Variants in TAFA4 observed in about 807,000 individuals in gnomAD.
TAFA4 encodes chemokine-like protein TAFA-4.
TAFA4 carries 20 observed loss-of-function variants against 21.1 expected under a neutral mutation model. That is an observed-to-expected ratio of 0.95 (90% CI 0.67 to 1.38). The LOEUF (loss-of-function observed/expected upper bound fraction) is 1.38, where lower values mean the gene tolerates loss of function less well. Among genes scored for constraint, TAFA4 ranks in the 40% most tolerant of loss-of-function variants. TAFA4 has a pLI of 0.00. For synonymous variants in TAFA4, 71 were observed against 67.4 expected (o/e 1.05, Z -0.26); for missense variants, 211 against 180.9 (o/e 1.17, Z -0.95).
At chr3:68,887,360 G>A (rs1398202378) in intron 1 of TAFA4, among the ~76,000 whole-genome samples, 1 of 152,148 alleles carries the variant, frequency 6.6e-6, no homozygotes, top group African/African-American at 2.4e-5. Context: ...GGCTTTGCTG[G>A]ACCCGATCCA....
intron 3 of TAFA4, among the ~76,000 whole-genome samples, chr3:68,802,365 A>T (rs1471285031): frequency 6.6e-6 from 1 of 152,102 alleles, no homozygotes; most frequent in Non-Finnish European, 1.5e-5. Context: ...TCAATCTGTC[A>T]TCTTTAGAAC....
chr3:68,863,189 G>A (rs1395530333), intron 3 of TAFA4, among the ~76,000 whole-genome samples: 1 of 151,948 alleles, frequency 6.6e-6, no homozygotes, highest in Non-Finnish European at 1.5e-5. Context: ...GTTGCAGTGA[G>A]CTATGATCAT....
intron 4 of TAFA4, among the ~76,000 whole-genome samples, chr3:68,740,661 G>T (rs1702332445): frequency 6.6e-6 from 1 of 152,122 alleles, no homozygotes; most frequent in African/African-American, 2.4e-5. Flanking sequence ...ATTTGATGTA[G>T]TCCCAATTGT....
intron 3 of TAFA4, among the ~76,000 whole-genome samples, chr3:68,802,449 A>G (rs1703598158): frequency 7.0e-6 from 1 of 142,574 alleles, no homozygotes; most frequent in East Asian, 3.2e-4. Context: ...AGGAAGGATA[A>G]TTGTTAAAAA....
In TAFA4 at chr3:68,927,893, C is replaced by CAAAAAAAAAAA. The variant is rs1209770129; in HGVS notation, c.-123+4336_-123+4346dup. 3.0e-3 allele frequency among the ~76,000 whole-genome samples: 368 copies of CAAAAAAAAAAA among 123,440 alleles called. 1 individual carries two copies. Among genetic ancestry groups the CAAAAAAAAAAA allele is most frequent in the African/African-American group, 9.8e-3 (337 of 34,416 alleles). The allele number at this position is 123,440 out of a possible 152,430, so 81.0% of individuals were successfully genotyped here. A position where few individuals can be genotyped will look rare whatever the true frequency, so the allele number is the denominator to read the frequency against. On this transcript the variant is annotated intron_variant, in intron 1 of 5. Transcript: ENST00000295569. ...AGCCTGGGTAACAGAGACACCATCT[C>CAAAAAAAAAAA]AAAAAAAAAAAAGAAAAAAGAAATA... is the stretch of plus-strand genomic sequence containing the variant.
intron 3 of TAFA4, among the ~76,000 whole-genome samples, chr3:68,816,325 A>G (rs1703974190): frequency 6.6e-6 from 1 of 152,190 alleles, no homozygotes; most frequent in African/African-American, 2.4e-5. Flanking sequence ...TTAAAAAAAA[A>G]TAGTAATTCT....
chr3:68,877,760 C>T (rs1396225442), intron 3 of TAFA4, among the ~76,000 whole-genome samples: 2 of 152,316 alleles, frequency 1.3e-5, no homozygotes, highest in South Asian at 2.1e-4. Context: ...ACCCTGAAGG[C>T]TCTGACCACA....
At chr3:68,805,539 A>C (rs2106834414) in intron 3 of TAFA4, among the ~76,000 whole-genome samples, 1 of 152,346 alleles carries the variant, frequency 6.6e-6, no homozygotes, top group Admixed American at 6.5e-5. Flanking sequence ...ACAATAGCAA[A>C]GACTTGGAAC....
intron 3 of TAFA4, among the ~76,000 whole-genome samples, chr3:68,814,086 C>G (rs558861641): frequency 6.6e-6 from 1 of 152,108 alleles, no homozygotes; most frequent in African/African-American, 2.4e-5. Context: ...TCTCAACAGA[C>G]GCAGAAAAGG....
chr3:68,905,242 G>A (rs903019629), intron 1 of TAFA4, among the ~76,000 whole-genome samples: 4 of 133,214 alleles, frequency 3.0e-5, no homozygotes, highest in East Asian at 4.8e-4. Flanking sequence ...TGCAACCTCC[G>A]CCTCCCGCCT....
chr3:68,863,447 A>G (rs1363068922), intron 3 of TAFA4, among the ~76,000 whole-genome samples: 1 of 152,130 alleles, frequency 6.6e-6, no homozygotes, highest in Non-Finnish European at 1.5e-5. Flanking sequence ...TAGACAAGAG[A>G]CACTTTATCC....
chr3:68,766,550 T>A (rs1702858582), intron 3 of TAFA4, among the ~76,000 whole-genome samples: 1 of 148,452 alleles, frequency 6.7e-6, no homozygotes. Flanking sequence ...CAATTTTTCC[T>A]AAAAAAAAAA....
rs140576843 is a variant in TAFA4, at chr3:68,798,509, A to T, written c.131-45491T>A. Among the ~76,000 whole-genome samples, 28 of 152,290 alleles carry T rather than the reference A, an allele frequency of 1.8e-4. No homozygotes were observed. In the East Asian group the frequency reaches 5.4e-3, roughly 29 times the overall value. Reference sequence around the variant, plus strand: ...TCTGGACTTAATTTTTATAAGAGGGATATGTTCCAGCTTCATGCATGGCAG... The same window carrying T: ...TCTGGACTTAATTTTTATAAGAGGGTTATGTTCCAGCTTCATGCATGGCAG... On this transcript the variant is annotated intron_variant, in intron 3 of 5. Transcript: ENST00000295569.
intron 5 of TAFA4, among the ~76,000 whole-genome samples, chr3:68,738,257 T>C (rs769958180): frequency 6.6e-6 from 1 of 152,140 alleles, no homozygotes; most frequent in Non-Finnish European, 1.5e-5. Flanking sequence ...CCAGGATGTT[T>C]AGAGCAGCAA....
Position 68,880,781 on chromosome 3 carries a change from C to A in TAFA4, c.79G>T (p.Val27Leu). 6.2e-7 allele frequency: 1 copy of A among 1,613,930 alleles called. No homozygotes were observed. The highest frequency in any genetic ancestry group is 1.1e-5 in the South Asian group (1 of 91,072). The part of the protein sequence containing the change: ...HWLFLAYVLM[V>L]CCKLMSASSQ... The stretch of plus-strand genomic sequence containing the variant: ...GAGGCGGACATCAGCTTACAGCACA[C>A]CATTAACACGTAGGCTAGAAAGAGC... The change falls in exon 3 of 6, where the codon GTG (valine) becomes TTG (leucine). Residue 27 changes from valine (V) to leucine (L), a missense_variant. Transcript: ENST00000295569.
At chr3:68,879,845 G>A (rs549112251) in intron 3 of TAFA4, among the ~76,000 whole-genome samples, 1 of 152,240 alleles carries the variant, frequency 6.6e-6, no homozygotes, top group East Asian at 1.9e-4. Context: ...TTATAATTCT[G>A]ACCCATACGT....
rs535226495 is a variant in TAFA4, at chr3:68,904,808, T to C, written c.-122-19498A>G. 2.6e-5 allele frequency among the ~76,000 whole-genome samples: 4 copies of C among 152,304 alleles called. No homozygotes were observed. In the South Asian group the frequency reaches 8.3e-4, roughly 32 times the overall value. ...TCAGGGGCATTAACTTCCAGGTTAA[T>C]GGCAGTTAACTCATGGGCTACTTTT... On this transcript the variant is annotated intron_variant, in intron 1 of 5. Coordinates refer to ENST00000295569, the MANE Select transcript of TAFA4 (RefSeq NM_182522.5).
At chr3:68,877,802 T>C (rs2089569673) in intron 3 of TAFA4, among the ~76,000 whole-genome samples, 1 of 152,204 alleles carries the variant, frequency 6.6e-6, no homozygotes, top group African/African-American at 2.4e-5. Context: ...TCTTCAGCTG[T>C]TCCTGGAATG....
intron 4 of TAFA4, among the ~76,000 whole-genome samples, chr3:68,741,722 G>A (rs962607670): frequency 6.6e-6 from 1 of 152,064 alleles, no homozygotes; most frequent in Non-Finnish European, 1.5e-5. Flanking sequence ...AACCCGGGAG[G>A]TGGAGCTTGC....
Sources: allele counts gnomAD v4.1 joint callset (sites outside exome capture counted in the v4.1 genomes callset), GRCh38; gene constraint gnomAD v4.1.1; transcripts MANE v1.5; gene names NCBI Gene and HGNC (gene_info 2026-07-23, HGNC 2026-07-21).